Variants in MME observed in about 807,000 individuals in gnomAD.
MME encodes neprilysin.
Under a neutral mutation model 113.2 loss-of-function variants are expected in MME, and 98 were observed. The ratio of observed to expected loss-of-function variants is 0.87; its 90% confidence interval spans 0.74 to 1.02. The LOEUF is 1.02. Among genes scored for constraint, MME ranks in the 50% least tolerant of loss-of-function variants. The pLI, the probability that MME is intolerant of heterozygous loss-of-function variation, is 0.00. For synonymous variants in MME, 292 were observed against 300.6 expected (o/e 0.97, Z 0.30); for missense variants, 836 against 896.0 (o/e 0.93, Z 0.86).
intron 3 of MME, among the ~76,000 whole-genome samples, chr3:155,096,644 C>A (rs1358724346): frequency 6.6e-6 from 1 of 152,180 alleles, no homozygotes; most frequent in South Asian, 2.1e-4. Flanking sequence ...AATTGGGCTA[C>A]TGCACTTATT....
intron 16 of MME, among the ~76,000 whole-genome samples, chr3:155,152,499 C>T (rs1282305459): frequency 2.0e-5 from 3 of 152,076 alleles, no homozygotes; most frequent in Admixed American, 2.0e-4. Flanking sequence ...GATAAAATTG[C>T]CAATTTGTAA....
intron 20 of MME, among the ~76,000 whole-genome samples, chr3:155,169,478 G>T (rs570851899): frequency 6.6e-6 from 1 of 152,240 alleles, no homozygotes; most frequent in African/African-American, 2.4e-5. Flanking sequence ...CTTTATGAAA[G>T]GTCATTATTT....
chr3:155,084,342 C>T lies in MME; in HGVS notation c.160+15C>T, dbSNP rs56040366. 4.1e-3 allele frequency: 6,570 copies of T among 1,613,450 alleles called. 43 individuals carry two copies. Among genetic ancestry groups the T allele is most frequent in the Non-Finnish European group, 3.6e-3 (4,272 of 1,179,402 alleles). ...AACCTACGATGGTGAGTTACTCCCA[C>T]ACCTGTGCATCCATAAGTGCAAAAG... On this transcript the variant is annotated intron_variant, in intron 2 of 22. Coordinates refer to ENST00000360490, the MANE Select transcript of MME (RefSeq NM_007289.4).
At chr3:155,056,579 G>T (rs1037566504) in intron 1 of MME, among the ~76,000 whole-genome samples, 1 of 150,486 alleles carries the variant, frequency 6.6e-6, no homozygotes, top group Non-Finnish European at 1.5e-5. Flanking sequence ...GTCTATCATT[G>T]TTGGACATTT....
rs142324568 is a variant in MME at position 155,069,452 on chromosome 3, T to G, written c.-10-14706T>G. ...GTGGCAACTCAGAGTTGAGAGAGGT[T>G]TGTTAAGGCCCAGGATGACTGAGCT... On this transcript the variant is annotated intron_variant, in intron 1 of 22. Coordinates refer to the MME transcript ENST00000492661. Among the ~76,000 whole-genome samples, 686 of 152,250 alleles carry G rather than the reference T, an allele frequency of 4.5e-3. 5 individuals are homozygous for G. The highest frequency in any genetic ancestry group is 0.017 in the East Asian group (88 of 5,174).
chr3:155,063,093 C>A, intron 1 of MME, among the ~76,000 whole-genome samples: 1 of 138,390 alleles, frequency 7.2e-6, no homozygotes, highest in Non-Finnish European at 1.5e-5. Flanking sequence ...AATTAATGAC[C>A]TTATTAATTA....
At chr3:155,146,675 A>G (rs1721542487) in intron 14 of MME, among the ~76,000 whole-genome samples, 1 of 152,192 alleles carries the variant, frequency 6.6e-6, no homozygotes, top group African/African-American at 2.4e-5. Flanking sequence ...GGAGAACATA[A>G]AAACTCCAGG....
intron 10 of MME, among the ~76,000 whole-genome samples, chr3:155,140,654 G>A (rs957590042): frequency 4.0e-5 from 6 of 151,772 alleles, no homozygotes; most frequent in South Asian, 2.1e-4. Context: ...GTGATCTGCC[G>A]GCCACAGCCT....
chr3:155,172,723 C>CTTT lies in MME; in HGVS notation c.2153+123_2153+125dup, dbSNP rs11445808. 8.8e-4 allele frequency: 557 copies of CTTT among 634,488 alleles called. 1 individual carries two copies. Among genetic ancestry groups the CTTT allele is most frequent in the Middle Eastern group, 2.3e-3 (8 of 3,496 alleles). 39.3% of individuals were successfully genotyped at this position (634,488 alleles called of 1,614,324 possible). A position where few individuals can be genotyped will look rare whatever the true frequency, so the allele number is the denominator to read the frequency against. ...TTCTTTTACATTTGGAAATTCAGTG[C>CTTT]TTTTTTTTTTTTTTGAGAGTCAAAG... On this transcript the variant is annotated intron_variant, in intron 22 of 22. Transcript: ENST00000360490.
intron 10 of MME, among the ~76,000 whole-genome samples, chr3:155,140,935 A>G (rs561415037): frequency 1.9e-4 from 29 of 152,334 alleles, no homozygotes; most frequent in African/African-American, 5.8e-4. Flanking sequence ...GTTCAGAACA[A>G]TAATTCAGAA....
At chr3:155,058,630 G>C (rs1195417291) in intron 1 of MME, among the ~76,000 whole-genome samples, 2 of 152,046 alleles carry the variant, frequency 1.3e-5, no homozygotes. Flanking sequence ...GGCAACATTG[G>C]AATTGAATGT....
chr3:155,150,753 T>C (rs192985705), intron 16 of MME, among the ~76,000 whole-genome samples: 148 of 152,330 alleles, frequency 9.7e-4, no homozygotes, highest in Non-Finnish European at 1.7e-3. Flanking sequence ...TTTTGTGTGA[T>C]ATCATTCCTG....
chr3:155,032,362 T>G (rs1014870806), intron 1 of MME, among the ~76,000 whole-genome samples: 5 of 152,202 alleles, frequency 3.3e-5, no homozygotes, highest in African/African-American at 1.2e-4. Context: ...TGACCAAATT[T>G]CATACAACAG....
At chr3:155,107,383 G>A (rs188242884) in intron 3 of MME, among the ~76,000 whole-genome samples, 2 of 151,644 alleles carry the variant, frequency 1.3e-5, no homozygotes, top group Admixed American at 6.6e-5. Context: ...AATAGTCAAC[G>A]GAGGAATTTT....
chr3:155,027,530 T>G (rs1712828274), intron 1 of MME, among the ~76,000 whole-genome samples: 1 of 152,222 alleles, frequency 6.6e-6, no homozygotes, highest in African/African-American at 2.4e-5. Context: ...CTTCTGGGCC[T>G]TTGCTCATGC....
intron 8 of MME, among the ~76,000 whole-genome samples, chr3:155,124,936 G>T (rs538181921): frequency 1.6e-4 from 24 of 152,344 alleles, no homozygotes; most frequent in African/African-American, 5.8e-4. Context: ...TTGAGCTGTG[G>T]TGGACTCCAC....
chr3:155,031,467 AAGG>A (rs1712969354), intron 1 of MME, among the ~76,000 whole-genome samples: 1 of 152,088 alleles, frequency 6.6e-6, no homozygotes, highest in Non-Finnish European at 1.5e-5. Flanking sequence ...GAGGAAGAAG[AAGG>A]AGTAGTTGGA....
intron 8 of MME, among the ~76,000 whole-genome samples, chr3:155,127,940 T>G (rs1719820213): frequency 1.2e-5 from 1 of 84,296 alleles, no homozygotes; most frequent in Non-Finnish European, 2.9e-5. Flanking sequence ...CCGGAAGTTA[T>G]TCTCAGCTTA....
intron 1 of MME, among the ~76,000 whole-genome samples, chr3:155,057,590 C>T: frequency 6.6e-6 from 1 of 152,038 alleles, no homozygotes; most frequent in African/African-American, 2.4e-5. Flanking sequence ...CTCTGGTAGA[C>T]TTGCCAGCCT....
Sources: allele counts gnomAD v4.1 joint callset (sites outside exome capture counted in the v4.1 genomes callset), GRCh38; gene constraint gnomAD v4.1.1; transcripts MANE v1.5; gene names NCBI Gene and HGNC (gene_info 2026-07-23, HGNC 2026-07-21).